The following NCKAP5 variants were observed in gnomAD, a reference collection of about 807,000 sequenced individuals.
NCKAP5 encodes NCK associated protein 5, also known as nck-associated protein 5.
NCKAP5 carries 92 observed loss-of-function variants against 167.0 expected under a neutral mutation model. The ratio of observed to expected loss-of-function variants is 0.55; its 90% CI spans 0.47 to 0.66. NCKAP5 has a LOEUF of 0.66. Ranked by LOEUF, NCKAP5 falls within the 30% of genes least tolerant of loss-of-function variation. The pLI, the probability that NCKAP5 is intolerant of heterozygous loss-of-function variation, is 0.00. For missense variants in NCKAP5, 2,378 were observed against 2,315.0 expected (o/e 1.03, Z -0.56); for synonymous variants, 891 against 877.4 (o/e 1.02, Z -0.27).
At chr2:133,402,987 T>C (rs1191765986) in intron 3 of NCKAP5, among the ~76,000 whole-genome samples, 2 of 152,222 alleles carry the variant, frequency 1.3e-5, no homozygotes, top group Admixed American at 1.3e-4. Context: ...TTTTTTTAAA[T>C]TGTGGAAGTA....
At chr2:133,423,767 G>A (rs1283942351) in intron 3 of NCKAP5, among the ~76,000 whole-genome samples, 1 of 152,122 alleles carries the variant, frequency 6.6e-6, no homozygotes, top group Non-Finnish European at 1.5e-5. Flanking sequence ...AAAATAACTA[G>A]CAAATACAAC....
the NCKAP5 span, among the ~76,000 whole-genome samples, chr2:133,635,363 T>A: frequency 6.6e-6 from 1 of 152,222 alleles, no homozygotes; most frequent in Admixed American, 6.5e-5. Context: ...GTTCTTATTC[T>A]ACTTGAAAAT....
At chr2:133,579,278 C>T in the NCKAP5 span, among the ~76,000 whole-genome samples, 4 of 152,176 alleles carry the variant, frequency 2.6e-5, no homozygotes, top group African/African-American at 9.7e-5. Context: ...TCTCTAAAGT[C>T]TCCACCAAAC....
chr2:133,634,254 T>C, the NCKAP5 span, among the ~76,000 whole-genome samples: 8 of 152,184 alleles, frequency 5.3e-5, no homozygotes, highest in Non-Finnish European at 1.2e-4. Context: ...ATCAATTAGT[T>C]TGCGTTTCAG....
At chr2:132,819,247 C>A (rs1686522840) in intron 11 of NCKAP5, among the ~76,000 whole-genome samples, 1 of 152,134 alleles carries the variant, frequency 6.6e-6, no homozygotes, top group Non-Finnish European at 1.5e-5. Context: ...GATTCTGAGT[C>A]CTGCCATTTA....
intron 3 of NCKAP5, among the ~76,000 whole-genome samples, chr2:133,312,454 A>G (rs1384468640): frequency 1.3e-5 from 2 of 152,202 alleles, no homozygotes; most frequent in Non-Finnish European, 2.9e-5. Context: ...TATGTTTCCC[A>G]GTCTCCTGTG....
intron 8 of NCKAP5, among the ~76,000 whole-genome samples, chr2:132,896,790 T>TC (rs1490783612): frequency 2.6e-5 from 4 of 152,210 alleles, no homozygotes; most frequent in Non-Finnish European, 5.9e-5. Context: ...GAATGTGTTA[T>TC]CCAGAGACCT....
At chr2:133,266,648 A>G (rs994468954) in intron 4 of NCKAP5, among the ~76,000 whole-genome samples, 12 of 152,122 alleles carry the variant, frequency 7.9e-5, no homozygotes, top group Non-Finnish European at 1.6e-4. Context: ...CAAACTTGCC[A>G]TGTCCAGAGC....
intron 19 of NCKAP5, among the ~76,000 whole-genome samples, chr2:132,697,298 C>G (rs1687434849): frequency 6.6e-6 from 1 of 152,232 alleles, no homozygotes; most frequent in Non-Finnish European, 1.5e-5. Context: ...GGTCAGTTCA[C>G]ACACCCCTGA....
At chr2:132,838,739 C>G (rs1211778343) in intron 11 of NCKAP5, among the ~76,000 whole-genome samples, 1 of 152,182 alleles carries the variant, frequency 6.6e-6, no homozygotes, top group Non-Finnish European at 1.5e-5. Context: ...TTCTATGGCA[C>G]AAAGTCCCGG....
At position 132,845,797 on chromosome 2, in the gene NCKAP5, C is replaced by T. The variant is rs1196723812; in HGVS notation, c.807+14695G>A. ...TAACTTCCCAGGTGTATTTTACAAT[C>T]AGCTTGACAAGTCCCATAAAAAATT... On this transcript the variant is annotated intron_variant, in intron 11 of 19. Coordinates refer to ENST00000409261, the MANE Select transcript of NCKAP5 (RefSeq NM_207363.3). Among the ~76,000 whole-genome samples, 5 of 152,168 alleles carry T rather than the reference C, an allele frequency of 3.3e-5. No homozygotes were observed. The East Asian group carries it at 9.6e-4, about 29-fold the overall frequency.
chr2:133,097,604 C>T (rs978394704), intron 6 of NCKAP5, among the ~76,000 whole-genome samples: 14 of 152,114 alleles, frequency 9.2e-5, no homozygotes, highest in African/African-American at 3.4e-4. Flanking sequence ...AATGCAAGTT[C>T]CTTGAGTATT....
At chr2:132,686,266 G>A (rs749751153) in intron 19 of NCKAP5, among the ~76,000 whole-genome samples, 19 of 152,034 alleles carry the variant, frequency 1.2e-4, no homozygotes, top group Non-Finnish European at 2.5e-4. Flanking sequence ...GTCCAGAAAG[G>A]TGGTTAGGGT....
At chr2:132,774,244 C>T (rs561975771) in intron 15 of NCKAP5, among the ~76,000 whole-genome samples, 3 of 152,256 alleles carry the variant, frequency 2.0e-5, no homozygotes, top group East Asian at 3.9e-4. Flanking sequence ...TAACACAGGG[C>T]TGTTAGGAAA....
chr2:133,017,227 T>A (rs11894003), intron 6 of NCKAP5, among the ~76,000 whole-genome samples: 14,144 of 152,280 alleles, frequency 0.093, 727 homozygotes, highest in Middle Eastern at 0.15. Context: ...TCCTATGTTT[T>A]CTGAAGGCAA....
chr2:133,578,666 T>G, the NCKAP5 span, among the ~76,000 whole-genome samples: 1 of 152,184 alleles, frequency 6.6e-6, no homozygotes, highest in African/African-American at 2.4e-5. Flanking sequence ...ACGTCTCCTA[T>G]GTTCAGTCCT....
chr2:132,908,788 A>G (rs1174885698), intron 8 of NCKAP5, among the ~76,000 whole-genome samples: 1 of 152,218 alleles, frequency 6.6e-6, no homozygotes, highest in Non-Finnish European at 1.5e-5. Context: ...AACCTGCTGT[A>G]TAATCTTCAT....
chr2:133,466,132 T>C (rs1415860468), intron 3 of NCKAP5, among the ~76,000 whole-genome samples: 21 of 146,160 alleles, frequency 1.4e-4, no homozygotes, highest in African/African-American at 4.8e-4. Flanking sequence ...CTAGGGTTTT[T>C]ATGGTTTTAG....
At chr2:132,813,480 C>A (rs962503010) in intron 11 of NCKAP5, among the ~76,000 whole-genome samples, 1 of 152,178 alleles carries the variant, frequency 6.6e-6, no homozygotes, top group Non-Finnish European at 1.5e-5. Context: ...CAGTATGCTT[C>A]TTCCTAAAAG....
Sources: allele counts gnomAD v4.1 joint callset (sites outside exome capture counted in the v4.1 genomes callset), GRCh38; gene constraint gnomAD v4.1.1; transcripts MANE v1.5; gene names NCBI Gene and HGNC (gene_info 2026-07-23, HGNC 2026-07-21).